Variants in LAMA2 observed in about 807,000 individuals in gnomAD.
LAMA2 encodes the protein laminin subunit alpha 2, also known as laminin subunit alpha-2.
In LAMA2, 269 loss-of-function variants were observed where a neutral mutation model predicts 364.8. The observed-to-expected ratio is 0.74, with a 90% CI of 0.67 to 0.82. The LOEUF is 0.82. LAMA2 is among the 40% of genes least tolerant of loss of function. The probability of loss-of-function intolerance (pLI) is 0.00; values close to 1 mark genes in which losing one functional copy is unlikely to be tolerated. For missense variants in LAMA2, 3,807 were observed against 3,873.2 expected (o/e 0.98, Z 0.45); for synonymous variants, 1,379 against 1,370.6 (o/e 1.01, Z -0.14).
At position 129,313,050 on chromosome 6, in the gene LAMA2, A is replaced by T; in HGVS notation, c.3364A>T (p.Thr1122Ser). Residue 1122 changes from threonine (T) to serine (S), a missense_variant, in exon 23 of 65, where the codon ACT becomes TCT. By Grantham distance (58) the Thr-to-Ser change is moderately conservative. Transcript: ENST00000421865. ...AGATGCCACAACCTGTGATTCAGAGACTAAAAAATGCTCCTGTAGTGATCA... is the reference window on the plus strand; with the variant it reads ...AGATGCCACAACCTGTGATTCAGAGTCTAAAAAATGCTCCTGTAGTGATCA... ...GTDATTCDSE[T>S]KKCSCSDQTG... The T allele has an allele frequency of 6.2e-7, 1 of 1,614,056 alleles. No individual in the cohort carries two copies. Among genetic ancestry groups the T allele is most frequent in the South Asian group, 1.1e-5 (1 of 91,070 alleles).
intron 1 of LAMA2, among the ~76,000 whole-genome samples, chr6:128,928,282 T>G (rs1029820855): frequency 5.3e-5 from 8 of 152,174 alleles, no homozygotes; most frequent in Admixed American, 5.2e-4. Flanking sequence ...TTAGTTTAAT[T>G]TATTCAGAAA....
chr6:129,355,133 T>C (rs983405402), intron 32 of LAMA2, among the ~76,000 whole-genome samples: 2 of 152,188 alleles, frequency 1.3e-5, no homozygotes, highest in Non-Finnish European at 1.5e-5. Flanking sequence ...AGGATTGTTT[T>C]TGATATCTAG....
chr6:129,247,344 G>A (rs1251886135), intron 12 of LAMA2, among the ~76,000 whole-genome samples: 6 of 152,082 alleles, frequency 3.9e-5, no homozygotes, highest in South Asian at 2.1e-4. Flanking sequence ...CCAGATACTC[G>A]GGAGGCTGAG....
intron 2 of LAMA2, among the ~76,000 whole-genome samples, chr6:129,054,685 C>T (rs1220751610): frequency 6.8e-6 from 1 of 147,456 alleles, no homozygotes; most frequent in African/African-American, 2.5e-5. Flanking sequence ...ATATAATATA[C>T]TTATATAATA....
chr6:129,404,168 G>C (rs1220489063), intron 40 of LAMA2, among the ~76,000 whole-genome samples: 1 of 151,962 alleles, frequency 6.6e-6, no homozygotes, highest in Non-Finnish European at 1.5e-5. Flanking sequence ...CACTGTTAGG[G>C]TCTTAAAATT....
At chr6:128,922,393 T>C (rs1480782196) in intron 1 of LAMA2, among the ~76,000 whole-genome samples, 3 of 151,498 alleles carry the variant, frequency 2.0e-5, no homozygotes, top group Non-Finnish European at 2.9e-5. Flanking sequence ...TTTTAATGAT[T>C]GCCATTCTAA....
At chr6:129,423,728 C>A (rs1189733115) in intron 40 of LAMA2, among the ~76,000 whole-genome samples, 1 of 151,846 alleles carries the variant, frequency 6.6e-6, no homozygotes, top group South Asian at 2.1e-4. Context: ...GTAAAAGACC[C>A]CCTACACTGA....
At chr6:129,379,565 G>T (rs1298376686) in intron 34 of LAMA2, among the ~76,000 whole-genome samples, 2 of 151,992 alleles carry the variant, frequency 1.3e-5, no homozygotes, top group Non-Finnish European at 2.9e-5. Flanking sequence ...TAGAGGGAAG[G>T]TATCTCCTTC....
chr6:128,970,269 A>G (rs1727546412), intron 1 of LAMA2, among the ~76,000 whole-genome samples: 1 of 152,210 alleles, frequency 6.6e-6, no homozygotes, highest in African/African-American at 2.4e-5. Context: ...GACTTTTATT[A>G]CGTGACAAGG....
At chr6:128,945,422 G>A (rs1780430911) in intron 1 of LAMA2, among the ~76,000 whole-genome samples, 1 of 152,146 alleles carries the variant, frequency 6.6e-6, no homozygotes, top group East Asian at 1.9e-4. Context: ...AATACAGCAG[G>A]CAGTGAAGAA....
intron 55 of LAMA2, among the ~76,000 whole-genome samples, chr6:129,484,840 T>C (rs950155188): frequency 4.9e-4 from 75 of 152,274 alleles, no homozygotes; most frequent in African/African-American, 1.8e-3. Flanking sequence ...AAGAAACTCA[T>C]AAGAGATGCA....
chr6:129,133,924 T>A (rs1471471969), intron 4 of LAMA2, among the ~76,000 whole-genome samples: 1 of 152,008 alleles, frequency 6.6e-6, no homozygotes, highest in African/African-American at 2.4e-5. Context: ...AACCTTTGAG[T>A]CAGAGAATGA....
intron 1 of LAMA2, among the ~76,000 whole-genome samples, chr6:128,914,428 T>C (rs947134692): frequency 2.6e-5 from 4 of 152,198 alleles, no homozygotes; most frequent in Non-Finnish European, 4.4e-5. Flanking sequence ...GAAATACTTA[T>C]AAGGGCTCAC....
chr6:129,435,754 CATTA>C (rs1489510827), intron 41 of LAMA2, among the ~76,000 whole-genome samples: 13 of 152,046 alleles, frequency 8.6e-5, no homozygotes, highest in Admixed American at 7.2e-4. Flanking sequence ...TGGAGTGAAT[CATTA>C]ATTAATATGT....
intron 12 of LAMA2, among the ~76,000 whole-genome samples, chr6:129,209,990 C>A (rs1180328591): frequency 4.0e-5 from 4 of 100,978 alleles, no homozygotes; most frequent in Admixed American, 1.0e-4. Context: ...GGCGACAGAG[C>A]GAGACTCCAT....
chr6:129,315,363 A>C, intron 24 of LAMA2, 113 bp from the exon 25 acceptor site: 1 of 879,150 alleles, frequency 1.1e-6, no homozygotes, highest in East Asian at 2.6e-5. Context: ...GCTTGTGAGA[A>C]CATCATCAGA....
At chr6:129,363,392 G>A (rs1366744015) in intron 32 of LAMA2, among the ~76,000 whole-genome samples, 1 of 152,162 alleles carries the variant, frequency 6.6e-6, no homozygotes, top group Non-Finnish European at 1.5e-5. Flanking sequence ...GAGGGAAAGA[G>A]CCCAGGCATC....
At chr6:129,306,111 G>T (rs373023736) in intron 22 of LAMA2, among the ~76,000 whole-genome samples, 2 of 151,666 alleles carry the variant, frequency 1.3e-5, no homozygotes, top group African/African-American at 2.4e-5. Flanking sequence ...TTACGATTTT[G>T]ATTTCAATAG....
chr6:128,996,575 G>C (rs1195474977), intron 1 of LAMA2, among the ~76,000 whole-genome samples: 1 of 152,214 alleles, frequency 6.6e-6, no homozygotes. Flanking sequence ...ACGACAATGA[G>C]ATACCAACTC....
Sources: allele counts gnomAD v4.1 joint callset (sites outside exome capture counted in the v4.1 genomes callset), GRCh38; gene constraint gnomAD v4.1.1; transcripts MANE v1.5; gene names NCBI Gene and HGNC (gene_info 2026-07-23, HGNC 2026-07-21).